Variants in RNF6 observed in about 807,000 individuals in gnomAD.
RNF6 encodes the protein E3 ubiquitin-protein ligase RNF6.
Under a neutral mutation model 50.1 loss-of-function variants are expected in RNF6, and 21 were observed. The ratio of observed to expected loss-of-function variants is 0.42; its 90% CI spans 0.30 to 0.60. The LOEUF is 0.60. Among genes scored for constraint, RNF6 ranks in the 20% least tolerant of loss-of-function variants. The pLI is 0.20. For missense variants in RNF6, 698 were observed against 838.2 expected, an observed-to-expected ratio of 0.83 and a Z score of 2.07; for synonymous variants, 255 against 291.8, an observed-to-expected ratio of 0.87 and a Z score of 1.29.
At chr13:26,172,370 CAAAAG>C (rs1174735109) in intron 5 of RNF6, among the ~76,000 whole-genome samples, 1 of 152,006 alleles carries the variant, frequency 6.6e-6, no homozygotes. Context: ...TTTAAAAATT[CAAAAG>C]AAAACATTGG....
At chr13:26,189,765 ATGTT>A (rs1383665918) in intron 5 of RNF6, among the ~76,000 whole-genome samples, 2 of 152,088 alleles carry the variant, frequency 1.3e-5, no homozygotes, top group Non-Finnish European at 2.9e-5. Flanking sequence ...AACCACTTCC[ATGTT>A]TGTTTATTTA....
chr13:26,136,758 G>A lies in RNF6; in HGVS notation n.769-4307C>T, dbSNP rs1216590672. On this transcript the variant is annotated intron_variant and non_coding_transcript_variant, in intron 5 of 5. Coordinates refer to the RNF6 transcript ENST00000468480. The stretch of plus-strand genomic sequence containing the variant: ...TATGTAATCTAATATCAAAAATATG[G>A]CCTCACTGGGGAGGCCAGTGATATG... Among the ~76,000 whole-genome samples, 3 of 152,012 alleles carry A rather than the reference G, an allele frequency of 2.0e-5. No homozygotes were observed. In the East Asian group the frequency reaches 5.8e-4, roughly 29 times the overall value.
Position 26,215,190 on chromosome 13 carries a change from G to A in RNF6, c.692C>T (p.Thr231Ile), listed in dbSNP as rs758943071. The A allele has an allele frequency of 8.7e-6, 14 of 1,614,066 alleles. No individual in the cohort carries two copies. Among genetic ancestry groups the A allele is most frequent in the African/African-American group, 2.7e-5 (2 of 74,916 alleles). Residue 231 changes from threonine to isoleucine, a missense_variant, in exon 5 of 5, where the codon ACA becomes ATA. Physicochemically the swap from Thr to Ile is moderately conservative, Grantham distance 89. Coordinates refer to ENST00000381588, the MANE Select transcript of RNF6 (RefSeq NM_005977.4). ...AATTCCATTTCTTAACCTTCCCAAT[G>A]TTGAGAAAGATCCTTCAGCTGGATT... ...GQNPAEGSFS[T>I]LGRLRNGIGG... is the part of the protein sequence containing the mutation.
chr13:26,155,388 A>G (rs1871861341), intron 5 of RNF6, among the ~76,000 whole-genome samples: 1 of 152,090 alleles, frequency 6.6e-6, no homozygotes, highest in Non-Finnish European at 1.5e-5. Flanking sequence ...TTTGTGTAAC[A>G]AGTTTCTGGT....
At chr13:26,210,336 G>A (rs1021103799), downstream of RNF6, among the ~76,000 whole-genome samples, 1 of 152,180 alleles carries the variant, frequency 6.6e-6, no homozygotes, top group African/African-American at 2.4e-5. Context: ...CCAATGGAGA[G>A]ATGCAGGAAG....
At chr13:26,185,734 G>A (rs1052855709) in intron 5 of RNF6, among the ~76,000 whole-genome samples, 1 of 152,116 alleles carries the variant, frequency 6.6e-6, no homozygotes, top group Non-Finnish European at 1.5e-5. Context: ...CAAAACGAGC[G>A]AAACCCTGTC....
Position 26,219,593 on chromosome 13 carries a change from G to A in RNF6, c.57C>T (p.Asp19=), listed in dbSNP as rs1348006077. 1.2e-6 allele frequency: 2 copies of A among 1,613,798 alleles called. No homozygotes were observed. The highest frequency in any genetic ancestry group is 1.7e-6 in the Non-Finnish European group (2 of 1,179,948). Residue 19 remains aspartate, a synonymous_variant, in exon 3 of 5, where the codon GAC becomes GAT. Transcript: ENST00000381588. Reference sequence around the variant, plus strand: ...TTCTCTCATTTTCATGATGATTATGGTCTTGAGGTAAGGTTTCTTCACTGC... The same window carrying A: ...TTCTCTCATTTTCATGATGATTATGATCTTGAGGTAAGGTTTCTTCACTGC... ...DGGSEETLPQ[D]HNHHENERRW...
At chr13:26,199,750 T>TAG (rs762644568) in intron 5 of RNF6, among the ~76,000 whole-genome samples, 138 of 152,166 alleles carry the variant, frequency 9.1e-4, no homozygotes, top group Admixed American at 2.6e-3. Flanking sequence ...AGGACACCTA[T>TAG]AGAGAGAGAG....
chr13:26,134,887 A>T (rs1028926665), intron 5 of RNF6, among the ~76,000 whole-genome samples: 1 of 152,160 alleles, frequency 6.6e-6, no homozygotes, highest in South Asian at 2.1e-4. Flanking sequence ...TTTCTGTATT[A>T]TTTATATTAT....
chr13:26,177,290 T>C (rs1873004030), intron 5 of RNF6, among the ~76,000 whole-genome samples: 2 of 152,118 alleles, frequency 1.3e-5, no homozygotes, highest in Admixed American at 6.5e-5. Flanking sequence ...TTGACTCCCA[T>C]TCACTCCTCA....
At chr13:26,188,844 G>T (rs1209020403) in intron 5 of RNF6, among the ~76,000 whole-genome samples, 1 of 151,488 alleles carries the variant, frequency 6.6e-6, no homozygotes, top group East Asian at 2.0e-4. Flanking sequence ...TGGCCAGGAT[G>T]GTCTCAATCT....
At chr13:26,216,067 T>A (rs1001485191) in intron 4 of RNF6, among the ~76,000 whole-genome samples, 12 of 152,240 alleles carry the variant, frequency 7.9e-5, no homozygotes, top group African/African-American at 2.9e-4. Flanking sequence ...CTTAGAAATT[T>A]TTCCTATTTC....
At chr13:26,159,304 G>A (rs1304219640) in intron 5 of RNF6, among the ~76,000 whole-genome samples, 2 of 152,008 alleles carry the variant, frequency 1.3e-5, no homozygotes, top group East Asian at 3.9e-4. Flanking sequence ...AGGATTATTT[G>A]GTATATCAGT....
chr13:26,200,490 A>G (rs144435660), intron 5 of RNF6, among the ~76,000 whole-genome samples: 10 of 149,180 alleles, frequency 6.7e-5, no homozygotes, highest in East Asian at 3.9e-4. Context: ...GCTCACTGCA[A>G]CCTCCACCTC....
Position 26,144,381 on chromosome 13 carries a change from A to ATTT in RNF6, n.769-11933_769-11931dup, listed in dbSNP as rs34266191. On this transcript the variant is annotated intron_variant and non_coding_transcript_variant, in intron 5 of 5. Coordinates refer to the RNF6 transcript ENST00000468480. ...TAAGCATTCACATGGAAATATCTTC[A>ATTT]TTTTTTTTTTTCACTATTTCAGAGA... Among the ~76,000 whole-genome samples the ATTT allele has an allele frequency of 9.0e-3, 1,358 of 150,272 alleles. 36 individuals carry two copies. Among genetic ancestry groups the ATTT allele is most frequent in the Admixed American group, 0.053 (796 of 15,100 alleles).
chr13:26,153,722 G>A (rs1240963909), intron 5 of RNF6, among the ~76,000 whole-genome samples: 2 of 151,982 alleles, frequency 1.3e-5, no homozygotes, highest in Non-Finnish European at 2.9e-5. Context: ...ACTACTATTC[G>A]GACTTCCTTT....
chr13:26,183,741 A>C (rs1337744412), intron 5 of RNF6, among the ~76,000 whole-genome samples: 1 of 151,886 alleles, frequency 6.6e-6, no homozygotes, highest in Admixed American at 6.6e-5. Context: ...CTTAGCAAAC[A>C]ATTTCATGGT....
intron 5 of RNF6, among the ~76,000 whole-genome samples, chr13:26,148,447 T>G (rs1871365238): frequency 6.6e-6 from 1 of 151,532 alleles, no homozygotes; most frequent in African/African-American, 2.4e-5. Flanking sequence ...GTGCTCTCTT[T>G]CCTACTGGGA....
chr13:26,178,948 T>C (rs1274912455), intron 5 of RNF6, among the ~76,000 whole-genome samples: 1 of 152,198 alleles, frequency 6.6e-6, no homozygotes, highest in Non-Finnish European at 1.5e-5. Context: ...ATCCATGTTG[T>C]CGCAAAGGAC....
Sources: allele counts gnomAD v4.1 joint callset (sites outside exome capture counted in the v4.1 genomes callset), GRCh38; gene constraint gnomAD v4.1.1; transcripts MANE v1.5; gene names NCBI Gene and HGNC (gene_info 2026-07-23, HGNC 2026-07-21).